The following RARS1 variants were observed in gnomAD, a reference collection of about 807,000 sequenced individuals.
RARS1 encodes arginyl-tRNA synthetase 1.
A neutral mutation model predicts 78.7 loss-of-function variants in RARS1; 75 were observed. That is an observed-to-expected ratio of 0.95 (90% CI 0.79 to 1.15). RARS1 has a LOEUF of 1.15. Among genes scored for constraint, RARS1 ranks in the 50% most tolerant of loss-of-function variants. The pLI is 0.00. For missense variants in RARS1, 787 were observed against 787.5 expected, an observed-to-expected ratio of 1.00 and a Z score of 0.01; for synonymous variants, 273 against 268.2, an observed-to-expected ratio of 1.02 and a Z score of -0.18.
chr5:168,487,473 A>G (rs553988155), intron 1 of RARS1, among the ~76,000 whole-genome samples: 1 of 152,334 alleles, frequency 6.6e-6, no homozygotes, highest in East Asian at 1.9e-4. Flanking sequence ...TTACGGCTGT[A>G]TACTTAATCA....
chr5:168,491,557 A>G (rs1443168958), intron 2 of RARS1, among the ~76,000 whole-genome samples: 1 of 152,182 alleles, frequency 6.6e-6, no homozygotes, highest in Non-Finnish European at 1.5e-5. Flanking sequence ...CATATGATAG[A>G]GAGGGCTGAT....
chr5:168,504,252 G>A (rs914941204), intron 9 of RARS1, among the ~76,000 whole-genome samples: 5 of 151,780 alleles, frequency 3.3e-5, no homozygotes, highest in East Asian at 1.9e-4. Context: ...GTGGCTGGGC[G>A]TGGTGGCTCA....
At position 168,518,060 on chromosome 5, in the gene RARS1, CTGGTGAG is replaced by C; in HGVS notation, c.1873+1_1873+7del. On this transcript the variant is annotated splice_donor_variant and splice_donor_5th_base_variant and coding_sequence_variant and intron_variant, in exon 14 of 15. Transcript: ENST00000231572. LOFTEE classifies it high-confidence loss of function. ...TACTGTGTGGAGAAAGATAGACAGA[CTGGTGAG>C]TGTCTTTTTTTTTTTTTTTTTTTTT... 1 of 813,388 alleles carries C rather than the reference CTGGTGAG, an allele frequency of 1.2e-6. No homozygotes were observed. Among genetic ancestry groups the C allele is most frequent in the Non-Finnish European group, 1.7e-6 (1 of 598,726 alleles). 50.4% of individuals were successfully genotyped at this position (813,388 alleles called of 1,614,324 possible). A position where few individuals can be genotyped will look rare whatever the true frequency, so the allele number is the denominator to read the frequency against.
intron 12 of RARS1, 124 bp downstream of exon 12, chr5:168,510,810 T>G (rs780116110): frequency 3.4e-5 from 20 of 581,476 alleles, no homozygotes; most frequent in Non-Finnish European, 5.4e-5. Context: ...CTTATATTGC[T>G]CTGACTTTAT....
chr5:168,492,306 G>T (rs1758103046), intron 2 of RARS1, among the ~76,000 whole-genome samples: 1 of 152,096 alleles, frequency 6.6e-6, no homozygotes, highest in African/African-American at 2.4e-5. Flanking sequence ...TGTCCATTGA[G>T]TTTTCACTTC....
intron 8 of RARS1, among the ~76,000 whole-genome samples, 160 bp downstream of exon 8, chr5:168,500,880 A>G (rs151164416): frequency 2.0e-5 from 3 of 151,850 alleles, no homozygotes; most frequent in South Asian, 4.2e-4. Context: ...TAAATTTTGA[A>G]CCTGCCATAA....
chr5:168,499,834 T>C (rs140549331), intron 7 of RARS1, among the ~76,000 whole-genome samples: 1 of 152,302 alleles, frequency 6.6e-6, no homozygotes, highest in African/African-American at 2.4e-5. Flanking sequence ...TTTAAGTAAG[T>C]GTTGCTTTCA....
chr5:168,506,185 G>A lies in RARS1; in HGVS notation c.1222G>A (p.Val408Met). Residue 408 changes from valine to methionine, a missense_variant, in exon 10 of 15, where the codon GTG becomes ATG. Val to Met is a conservative substitution (Grantham distance 21). Coordinates refer to ENST00000231572, the MANE Select transcript of RARS1 (RefSeq NM_002887.4). ...AAAAGCAGATATGATTATCTATGTTGTGGACAATGGACAAGTGAGTTTGTA... is the reference window on the plus strand; with the variant it reads ...AAAAGCAGATATGATTATCTATGTTATGGACAATGGACAAGTGAGTTTGTA... The part of the protein sequence containing the change: ...EEKADMIIYV[V>M]DNGQSVHFQT... 6.4e-7 allele frequency: 1 copy of A among 1,572,362 alleles called. No individual in the cohort carries two copies. Among genetic ancestry groups the A allele is most frequent in the Non-Finnish European group, 8.6e-7 (1 of 1,158,064 alleles).
chr5:168,500,077 A>G (rs1758282590), intron 7 of RARS1, among the ~76,000 whole-genome samples: 1 of 151,820 alleles, frequency 6.6e-6, no homozygotes, highest in East Asian at 1.9e-4. Flanking sequence ...AATCCCAGCT[A>G]CTTGGAGGCT....
Position 168,494,384 on chromosome 5 carries a change from A to G in RARS1, c.479-166A>G, listed in dbSNP as rs13182927. ...GGAGAGTGGTGAAGGCTTGAAGTAG[A>G]CGGTGAGACAGGAGCTTACAAGACA... On this transcript the variant is annotated intron_variant, in intron 4 of 14. Transcript: ENST00000231572. 165,802 of 985,166 alleles carry G rather than the reference A, an allele frequency of 0.17. 14,841 individuals carry two copies. Among genetic ancestry groups the G allele is most frequent in the East Asian group, 0.53 (4,618 of 8,790 alleles). The allele number at this position is 985,166 out of a possible 1,614,324, so 61.0% of individuals were successfully genotyped here. A position where few individuals can be genotyped will look rare whatever the true frequency, so the allele number is the denominator to read the frequency against.
intron 9 of RARS1, among the ~76,000 whole-genome samples, chr5:168,505,203 A>G (rs971778475): frequency 6.6e-6 from 1 of 152,166 alleles, no homozygotes; most frequent in Admixed American, 6.5e-5. Context: ...GTAAGAAAGC[A>G]TAGAGTTATT....
intron 2 of RARS1, among the ~76,000 whole-genome samples, chr5:168,490,721 C>G: frequency 6.6e-6 from 1 of 152,160 alleles, no homozygotes; most frequent in Admixed American, 6.5e-5. Context: ...GTAGAGACAA[C>G]TTGTTGAATT....
At chr5:168,502,937 T>C (rs966161650) in intron 9 of RARS1, among the ~76,000 whole-genome samples, 2 of 152,234 alleles carry the variant, frequency 1.3e-5, no homozygotes, top group Admixed American at 1.3e-4. Context: ...TCTCCCTCTT[T>C]TTAAATTTCT....
chr5:168,494,905 G>A, intron 5 of RARS1: 1 of 385,494 alleles, frequency 2.6e-6, no homozygotes, highest in Non-Finnish European at 4.6e-6. Flanking sequence ...CTGAAACCGG[G>A]AATGGATTTC....
intron 12 of RARS1, among the ~76,000 whole-genome samples, chr5:168,513,115 G>A (rs1178618877): frequency 4.0e-5 from 6 of 150,150 alleles, no homozygotes; most frequent in African/African-American, 1.2e-4. Flanking sequence ...GCACGATCTC[G>A]GCTCACTGCA....
At chr5:168,495,263 CTCTT>C in intron 5 of RARS1, 48 bp from the exon 6 acceptor site, 1 of 1,572,058 alleles carries the variant, frequency 6.4e-7, no homozygotes, top group African/African-American at 1.4e-5. Flanking sequence ...AAATCTTTCT[CTCTT>C]TATGTTTATG....
At chr5:168,508,720 A>G (rs1472661655) in intron 11 of RARS1, among the ~76,000 whole-genome samples, 1 of 151,004 alleles carries the variant, frequency 6.6e-6, no homozygotes, top group East Asian at 1.9e-4. Context: ...TTTAAATGAC[A>G]TTTTCTGTTT....
intron 5 of RARS1, 152 bp downstream of exon 5, chr5:168,494,802 G>A (rs1368601894): frequency 1.2e-5 from 7 of 580,266 alleles, no homozygotes; most frequent in East Asian, 2.9e-5. Flanking sequence ...TGCTGTGATC[G>A]CACCTGTGAA....
intron 12 of RARS1, among the ~76,000 whole-genome samples, chr5:168,513,842 T>C (rs1202909907): frequency 6.6e-6 from 1 of 152,172 alleles, no homozygotes; most frequent in Non-Finnish European, 1.5e-5. Context: ...ACAGGTCTGC[T>C]GGGGTGACAG....
Sources: gnomAD v4.1 joint callset for allele counts (sites outside exome capture counted in the v4.1 genomes callset) on GRCh38, gnomAD v4.1.1 for gene constraint, MANE v1.5 for transcripts, NCBI Gene and HGNC (gene_info 2026-07-23, HGNC 2026-07-21) for gene names.